The following GART variants were observed in gnomAD, a reference collection of about 807,000 sequenced individuals.
GART encodes phosphoribosylglycinamide formyltransferase, phosphoribosylglycinamide synthetase, phosphoribosylaminoimidazole synthetase.
GART carries 43 observed loss-of-function variants against 107.2 expected under a neutral mutation model. The ratio of observed to expected loss-of-function variants is 0.40; its 90% CI spans 0.31 to 0.52. The LOEUF is 0.52. Among genes scored for constraint, GART ranks in the 20% least tolerant of loss-of-function variants. The pLI is 0.52. For missense variants in GART, 1,107 were observed against 1,206.5 expected (o/e 0.92, Z 1.22); for synonymous variants, 434 against 427.0 (o/e 1.02, Z -0.20).
At chr21:33,536,387 T>C (rs953398133) in intron 2 of GART, among the ~76,000 whole-genome samples, 6 of 152,210 alleles carry the variant, frequency 3.9e-5, no homozygotes, top group African/African-American at 1.4e-4. Context: ...TCACTGTGCC[T>C]GGACCACCAT....
chr21:33,519,836 TTA>T (rs750100248), intron 14 of GART, among the ~76,000 whole-genome samples: 1,549 of 60,854 alleles, frequency 0.025, 19 homozygotes, highest in African/African-American at 0.1. Context: ...TTTTTTTTTT[TTA>T]AATTAAAAAA....
intron 17 of GART, 127 bp from the exon 18 acceptor site, chr21:33,510,047 T>C (rs1381335073): frequency 1.2e-6 from 1 of 804,326 alleles, no homozygotes; most frequent in Non-Finnish European, 1.9e-6. Context: ...ATGCAAGGAC[T>C]AAAATGAACA....
rs746775154 is a variant in GART, at chr21:33,530,847, A to C, written c.635T>G (p.Met212Arg). ...TCGCTTATGGTCCTGTGCTGGGGGC[A>C]TGGGGGCCACAGTCTTGCCATCAGT... ...CFTDGKTVAP[M>R]PPAQDHKRLL... Residue 212 changes from methionine to arginine, a missense_variant, in exon 7 of 22, where the codon ATG (methionine) becomes AGG (arginine). Physicochemically the swap from Met to Arg is moderately conservative, Grantham distance 91. Transcript: ENST00000381815. The C allele has an allele frequency of 6.5e-7, 1 of 1,531,804 alleles. No homozygotes were observed. The highest frequency in any genetic ancestry group is 2.4e-5 in the Admixed American group (1 of 41,562). 94.9% of individuals were successfully genotyped at this position (1,531,804 alleles called of 1,614,324 possible). A position where few individuals can be genotyped will look rare whatever the true frequency, so the allele number is the denominator to read the frequency against.
Position 33,524,967 on chromosome 21 carries a change from ACCT to A in GART, c.1097_1099del (p.Glu366del), listed in dbSNP as rs1394033105. On this transcript the variant is annotated inframe_deletion, in exon 11 of 22. Transcript: ENST00000381815. Reference sequence around the variant, plus strand: ...TTTGAGGGCAGTGCCTGCATGGAACACCTCCAGTCCTAGAGCTTGAGCCTCAGG... The same window carrying A: ...TTTGAGGGCAGTGCCTGCATGGAACACCAGTCCTAGAGCTTGAGCCTCAGG... 3 of 1,614,066 alleles carry A rather than the reference ACCT, an allele frequency of 1.9e-6. No individual in the cohort carries two copies. The East Asian group carries it at 6.7e-5, about 36-fold the overall frequency.
At chr21:33,510,916 T>C (rs1381421398) in intron 17 of GART, among the ~76,000 whole-genome samples, 1 of 152,204 alleles carries the variant, frequency 6.6e-6, no homozygotes, top group East Asian at 1.9e-4. Flanking sequence ...CGCAGAGTCC[T>C]GACTGATACA....
At chr21:33,541,102 T>C (rs879721379) in intron 1 of GART, among the ~76,000 whole-genome samples, 5 of 152,116 alleles carry the variant, frequency 3.3e-5, no homozygotes, top group Admixed American at 3.3e-4. Flanking sequence ...GGAAAACACA[T>C]TTTACTTGCC....
intron 16 of GART, among the ~76,000 whole-genome samples, chr21:33,515,384 G>A (rs1250414286): frequency 1.3e-5 from 2 of 152,190 alleles, no homozygotes; most frequent in Non-Finnish European, 2.9e-5. Flanking sequence ...GCTCATGCCT[G>A]TAATCCCAGC....
intron 1 of GART, among the ~76,000 whole-genome samples, chr21:33,541,563 G>A (rs1026959304): frequency 1.3e-5 from 2 of 152,344 alleles, no homozygotes; most frequent in East Asian, 3.9e-4. Flanking sequence ...TGGTGAGGAC[G>A]CCTGGGCTCC....
chr21:33,528,394 T>C, intron 9 of GART, 59 bp from the exon 10 acceptor site: 1 of 1,583,182 alleles, frequency 6.3e-7, no homozygotes, highest in South Asian at 1.1e-5. Context: ...TTAAACATTT[T>C]ATTCACTGGT....
rs2084787829 is a variant in GART, at chr21:33,511,643, A to AT, written c.2108-186dup. ...CATTTGTACCTTAGACATTAAGAACATTTTTTTGTTGACACACTTGGCCAG... is the reference window on the plus strand; with the variant it reads ...CATTTGTACCTTAGACATTAAGAACATTTTTTTTGTTGACACACTTGGCCAG... On this transcript the variant is annotated intron_variant, in intron 16 of 21. Transcript: ENST00000381815. Among the ~76,000 whole-genome samples the AT allele has an allele frequency of 2.6e-5, 4 of 152,186 alleles. No homozygotes were observed. The South Asian group carries it at 8.3e-4, about 32-fold the overall frequency.
At chr21:33,518,426 C>T (rs1176239157) in intron 14 of GART, among the ~76,000 whole-genome samples, 1 of 151,288 alleles carries the variant, frequency 6.6e-6, no homozygotes, top group East Asian at 1.9e-4. Context: ...TGCAGCGAGC[C>T]GAGATTGTGC....
At chr21:33,525,083 T>TC in intron 10 of GART, 83 bp from the exon 11 acceptor site, 13 of 1,456,712 alleles carry the variant, frequency 8.9e-6, no homozygotes, top group Non-Finnish European at 1.2e-5. Flanking sequence ...TCCACAAGTT[T>TC]CTTTTTTTTT....
chr21:33,533,177 C>T (rs1047263572), intron 4 of GART, among the ~76,000 whole-genome samples: 12 of 152,202 alleles, frequency 7.9e-5, no homozygotes, highest in South Asian at 6.2e-4. Context: ...CGGTGGCTCA[C>T]GCCTGTAATC....
At chr21:33,504,577 T>A (rs975418006) in intron 20 of GART, 50 bp from the exon 21 acceptor site, 12 of 1,332,616 alleles carry the variant, frequency 9.0e-6, no homozygotes, top group Non-Finnish European at 1.3e-5. Context: ...TCCTGGGTAT[T>A]CTGTTAAAGG....
chr21:33,505,126 T>A (rs1044947741), intron 20 of GART, among the ~76,000 whole-genome samples: 2 of 152,216 alleles, frequency 1.3e-5, no homozygotes, highest in African/African-American at 4.8e-5. Flanking sequence ...AATAACCTCC[T>A]CCTTGCCAAC....
intron 14 of GART, 50 bp from the exon 15 acceptor site, chr21:33,517,658 C>T: frequency 6.3e-7 from 1 of 1,597,056 alleles, no homozygotes; most frequent in Middle Eastern, 1.7e-4. Context: ...ATAAATCTGT[C>T]TAGGAAACAG....
intron 11 of GART, among the ~76,000 whole-genome samples, chr21:33,523,688 C>T (rs1244593602): frequency 6.6e-6 from 1 of 152,020 alleles, no homozygotes; most frequent in African/African-American, 2.4e-5. Flanking sequence ...GAAATCAGGC[C>T]GGGCACGGTG....
intron 12 of GART, 91 bp downstream of exon 12, chr21:33,522,097 C>T: frequency 1.0e-6 from 1 of 982,610 alleles, no homozygotes; most frequent in Non-Finnish European, 1.6e-6. Flanking sequence ...CCAAGCATTG[C>T]TTTGGAAAAT....
At chr21:33,516,163 G>A (rs1290883155) in intron 16 of GART, among the ~76,000 whole-genome samples, 2 of 148,278 alleles carry the variant, frequency 1.3e-5, no homozygotes, top group African/African-American at 2.5e-5. Flanking sequence ...CAGGATAATC[G>A]CTTGAACCCA....
Sources: allele counts gnomAD v4.1 joint callset (sites outside exome capture counted in the v4.1 genomes callset), GRCh38; gene constraint gnomAD v4.1.1; transcripts MANE v1.5; gene names NCBI Gene and HGNC (gene_info 2026-07-23, HGNC 2026-07-21).